Variants in NR4A3 observed in about 807,000 individuals in gnomAD.
NR4A3 encodes nuclear receptor subfamily 4 group A member 3, also known as chondrosarcoma, extraskeletal myxoid, fused to EWS.
Under a neutral mutation model 55.6 loss-of-function variants are expected in NR4A3, and 13 were observed. The observed-to-expected ratio is 0.23, with a 90% CI of 0.15 to 0.37. NR4A3 has a LOEUF of 0.37. Ranked by LOEUF, NR4A3 falls within the 10% of genes least tolerant of loss-of-function variation. NR4A3 has a pLI of 1.00. For synonymous variants in NR4A3, 342 were observed against 357.9 expected (o/e 0.96, Z 0.50); for missense variants, 646 against 822.8 (o/e 0.79, Z 2.63).
intron 7 of NR4A3, among the ~76,000 whole-genome samples, chr9:99,858,141 T>A (rs1284843668): frequency 6.6e-6 from 1 of 152,172 alleles, no homozygotes; most frequent in Admixed American, 6.5e-5. Flanking sequence ...TGTTGTGTCC[T>A]GCAAAGGGAT....
rs894331900 is a variant in NR4A3, at chr9:99,828,279, G to A, written c.237G>A (p.Met79Ile). The stretch of plus-strand genomic sequence containing the variant: ...TCAAGCCTTCCTGCGTGTACCAAAT[G>A]CAGCGGCCCTTGATCAAAGTGGAGG... ...YELKPSCVYQ[M>I]QRPLIKVEEG... The change falls in exon 3 of 8, where the codon ATG (methionine) becomes ATA (isoleucine). Residue 79 changes from methionine to isoleucine, a missense_variant. Around this residue, in one of 5 missense-constraint regions of NR4A3, gnomAD observed 426 missense variants for 429.4 expected, o/e 0.99. Coordinates refer to ENST00000395097, the MANE Select transcript of NR4A3 (RefSeq NM_006981.4). This position sits in a 1 kb window ranked among gnomAD's most constrained non-coding sequence, Gnocchi z 7.7. 4 of 1,613,916 alleles carry A rather than the reference G, an allele frequency of 2.5e-6. No homozygotes were observed. Among genetic ancestry groups the A allele is most frequent in the African/African-American group, 1.3e-5 (1 of 74,980 alleles).
rs115794968 is a variant in NR4A3 at position 99,833,194 on chromosome 9, T to C, written c.1082-88T>C. 287 of 1,480,166 alleles carry C rather than the reference T, an allele frequency of 1.9e-4. No individual in the cohort carries two copies. The African/African-American group carries it at 3.8e-3, about 20-fold the overall frequency. 91.7% of individuals were successfully genotyped at this position (1,480,166 alleles called of 1,614,324 possible). ...TTGGTCTCATTAATGATTGCTCAAC[T>C]GTAATGTGTTTTTATTCCTTTTTGC... On this transcript the variant is annotated intron_variant, in intron 4 of 7. Coordinates refer to ENST00000395097, the MANE Select transcript of NR4A3 (RefSeq NM_006981.4).
intron 5 of NR4A3, among the ~76,000 whole-genome samples, chr9:99,838,905 C>T (rs1827604229): frequency 6.6e-6 from 1 of 152,198 alleles, no homozygotes; most frequent in Non-Finnish European, 1.5e-5. Flanking sequence ...AATTTTCCAG[C>T]TTTTCCTGGG....
chr9:99,849,484 A>G (rs997550481), intron 7 of NR4A3, among the ~76,000 whole-genome samples: 1 of 152,178 alleles, frequency 6.6e-6, no homozygotes, highest in Non-Finnish European at 1.5e-5. Flanking sequence ...GCATCTGAAG[A>G]AAATAAACAG....
intron 7 of NR4A3, among the ~76,000 whole-genome samples, chr9:99,860,893 A>T (rs1349680850): frequency 6.6e-6 from 1 of 152,230 alleles, no homozygotes; most frequent in Non-Finnish European, 1.5e-5. Context: ...CATTATCTTA[A>T]TTGAGCCACA....
chr9:99,827,948 C>G, intron 2 of NR4A3, 93 bp from the exon 3 acceptor site: 1 of 1,434,414 alleles, frequency 7.0e-7, no homozygotes, highest in Non-Finnish European at 9.5e-7. Flanking sequence ...CTCTCTGTTT[C>G]CCAGATTAGA....
rs1587891637 is a variant in NR4A3 at position 99,864,105 on chromosome 9, GA to G, written c.*239del. 2.5e-6 allele frequency: 1 copy of G among 395,774 alleles called. No homozygotes were observed. Among genetic ancestry groups the G allele is most frequent in the East Asian group, 4.1e-5 (1 of 24,240 alleles). 24.5% of individuals were successfully genotyped at this position (395,774 alleles called of 1,614,324 possible). A position where few individuals can be genotyped will look rare whatever the true frequency, so the allele number is the denominator to read the frequency against. ...ATTTAGGCATTGGGGGATGGGGTGG[GA>G]GGGGGTTATAGTTCATGAGGGTTTT... On this transcript the variant is annotated 3_prime_UTR_variant, in exon 8 of 8. Transcript: ENST00000395097.
At chr9:99,842,237 A>C (rs1396240383) in intron 5 of NR4A3, among the ~76,000 whole-genome samples, 1 of 151,678 alleles carries the variant, frequency 6.6e-6, no homozygotes, top group African/African-American at 2.4e-5. Flanking sequence ...CTAGTTGCTT[A>C]TTAGCTGTTT....
At chr9:99,838,214 AC>A (rs1827593977) in intron 5 of NR4A3, among the ~76,000 whole-genome samples, 1 of 152,278 alleles carries the variant, frequency 6.6e-6, no homozygotes, top group African/African-American at 2.4e-5. Flanking sequence ...GAGAAAACAT[AC>A]TTAGTGTCCT....
intron 2 of NR4A3, chr9:99,826,615 C>T: frequency 1.6e-6 from 1 of 642,870 alleles, no homozygotes; most frequent in South Asian, 2.0e-5. Flanking sequence ...TTCATCCCAA[C>T]AACTGGACAG....
chr9:99,848,147 T>G (rs1264503051), intron 7 of NR4A3, among the ~76,000 whole-genome samples: 1 of 152,148 alleles, frequency 6.6e-6, no homozygotes, highest in Non-Finnish European at 1.5e-5. Flanking sequence ...CTAGGGAGAT[T>G]ACCTAACCCA....
chr9:99,855,432 G>T (rs1172404163), intron 7 of NR4A3, among the ~76,000 whole-genome samples: 1 of 152,120 alleles, frequency 6.6e-6, no homozygotes, highest in Non-Finnish European at 1.5e-5. Flanking sequence ...ATGAATTCTT[G>T]AAAATTGCCT....
At chr9:99,857,206 C>T (rs1045086670) in intron 7 of NR4A3, among the ~76,000 whole-genome samples, 3 of 151,726 alleles carry the variant, frequency 2.0e-5, no homozygotes, top group East Asian at 1.9e-4. Context: ...TATGATGGCT[C>T]GGGGGGAAGA....
chr9:99,863,816 G>T lies in NR4A3; in HGVS notation c.1830G>T (p.Val610=). The change falls in exon 8 of 8, where the codon GTG becomes GTT. Residue 610 remains valine, a synonymous_variant. Coordinates refer to ENST00000395097, the MANE Select transcript of NR4A3 (RefSeq NM_006981.4). ...RIFYLKLEDL[V]SPPSIIDKLF... ...TCTACCTGAAGCTGGAAGACTTGGT[G>T]TCTCCACCTTCCATCATTGACAAGC... 2 of 1,613,964 alleles carry T rather than the reference G, an allele frequency of 1.2e-6. No homozygotes were observed. The highest frequency in any genetic ancestry group is 1.7e-6 in the Non-Finnish European group (2 of 1,179,942).
chr9:99,851,193 C>G (rs964975575), intron 7 of NR4A3, among the ~76,000 whole-genome samples: 1 of 152,160 alleles, frequency 6.6e-6, no homozygotes, highest in African/African-American at 2.4e-5. Flanking sequence ...CAAACACTCT[C>G]TTTGTGACTT....
chr9:99,834,111 TAA>T (rs1827505690), intron 5 of NR4A3: 2 of 913,274 alleles, frequency 2.2e-6, no homozygotes, highest in Admixed American at 1.1e-4. Flanking sequence ...AAAATGTTTT[TAA>T]GACCATAAAT....
intron 3 of NR4A3, among the ~76,000 whole-genome samples, chr9:99,829,597 C>T (rs891989676): frequency 1.3e-5 from 2 of 152,174 alleles, no homozygotes; most frequent in African/African-American, 2.4e-5. Context: ...TGCCAACCCA[C>T]GTTTGCGTGA....
chr9:99,833,172 G>C (rs1394319337), intron 4 of NR4A3, 110 bp from the exon 5 acceptor site: 1 of 1,328,028 alleles, frequency 7.5e-7, no homozygotes, highest in Non-Finnish European at 1.0e-6. Flanking sequence ...TAAATGGTTG[G>C]TCTCATTAAT....
At chr9:99,860,379 T>C (rs930851816) in intron 7 of NR4A3, among the ~76,000 whole-genome samples, 1 of 152,220 alleles carries the variant, frequency 6.6e-6, no homozygotes, top group Non-Finnish European at 1.5e-5. Context: ...TTTGTCTTGG[T>C]AATAGATAAT....
Sources: allele counts gnomAD v4.1 joint callset (sites outside exome capture counted in the v4.1 genomes callset), GRCh38; gene constraint gnomAD v4.1.1; regional missense constraint gnomAD v4.1.1; non-coding constraint Gnocchi (gnomAD v3.1); transcripts MANE v1.5; gene names NCBI Gene and HGNC (gene_info 2026-07-23, HGNC 2026-07-21).